DTNBP1: variants seen among roughly 807,000 people sequenced by gnomAD.
DTNBP1 encodes dysbindin.
In DTNBP1, 35 loss-of-function variants were observed where a neutral mutation model predicts 42.8. The ratio of observed to expected loss-of-function variants is 0.82; its 90% CI spans 0.63 to 1.09. The LOEUF (loss-of-function observed/expected upper bound fraction) is 1.09. DTNBP1 is among the 50% of genes least tolerant of loss of function. DTNBP1 has a pLI of 0.00. For missense variants in DTNBP1, 457 were observed against 424.2 expected (o/e 1.08, Z -0.68); for synonymous variants, 171 against 162.2 (o/e 1.05, Z -0.41).
Position 15,615,411 on chromosome 6 carries a change from TA to T in DTNBP1, c.356-13del, listed in dbSNP as rs1561993005. The T allele has an allele frequency of 6.2e-7, 1 of 1,613,582 alleles. No individual in the cohort carries two copies. The highest frequency in any genetic ancestry group is 1.3e-5 in the African/African-American group (1 of 75,028). On this transcript the variant is annotated splice_polypyrimidine_tract_variant and intron_variant, in intron 5 of 9. Coordinates refer to ENST00000344537, the MANE Select transcript of DTNBP1 (RefSeq NM_032122.5). The stretch of plus-strand genomic sequence containing the variant: ...CGCCTCTAAATGAGCTGAAAGTATA[TA>T]AAAATAAACAGACCTCAAAAGTCAG...
At chr6:15,598,282 T>C (rs72837855) in intron 6 of DTNBP1, among the ~76,000 whole-genome samples, 4,951 of 152,272 alleles carry the variant, frequency 0.033, 118 homozygotes, top group Non-Finnish European at 0.048. Flanking sequence ...GAAAACTTAA[T>C]AGACAGAAGC....
At chr6:15,645,306 C>A (rs1290037862) in intron 3 of DTNBP1, among the ~76,000 whole-genome samples, 1 of 151,712 alleles carries the variant, frequency 6.6e-6, no homozygotes, top group Non-Finnish European at 1.5e-5. Flanking sequence ...AAAAAATCTA[C>A]CAACCAAAAA....
At chr6:15,527,339 G>A (rs1056197202) in intron 8 of DTNBP1, among the ~76,000 whole-genome samples, 5 of 152,136 alleles carry the variant, frequency 3.3e-5, no homozygotes, top group Admixed American at 6.5e-5. Flanking sequence ...AAGAGAAATC[G>A]AAATCCCATT....
chr6:15,643,644 TA>T (rs911832968), intron 3 of DTNBP1, among the ~76,000 whole-genome samples: 32 of 149,606 alleles, frequency 2.1e-4, no homozygotes, highest in Admixed American at 6.0e-4. Context: ...TTAGCCTCCT[TA>T]AAAAAAAAAT....
At chr6:15,541,504 C>A (rs892524102) in intron 7 of DTNBP1, among the ~76,000 whole-genome samples, 1 of 152,188 alleles carries the variant, frequency 6.6e-6, no homozygotes, top group Middle Eastern at 3.4e-3. Flanking sequence ...ATGTTAAGAG[C>A]TTCAACAAAT....
At chr6:15,627,858 T>C (rs918009355) in intron 4 of DTNBP1, among the ~76,000 whole-genome samples, 1 of 151,446 alleles carries the variant, frequency 6.6e-6, no homozygotes, top group African/African-American at 2.4e-5. Flanking sequence ...AAAACATAAT[T>C]AACGGGTAAT....
At chr6:15,605,887 T>C (rs1451255372) in intron 6 of DTNBP1, among the ~76,000 whole-genome samples, 2 of 152,160 alleles carry the variant, frequency 1.3e-5, no homozygotes, top group African/African-American at 2.4e-5. Context: ...CACTACACAA[T>C]GTTTTGTTGT....
intron 6 of DTNBP1, among the ~76,000 whole-genome samples, chr6:15,594,725 T>G (rs923505591): frequency 2.6e-5 from 4 of 152,086 alleles, no homozygotes; most frequent in Admixed American, 2.6e-4. Flanking sequence ...GTGGGGAAAG[T>G]TGACAGAACA....
rs1304842723 is a variant in DTNBP1, at chr6:15,627,534, A to G, written c.223-59T>C. On this transcript the variant is annotated intron_variant, in intron 4 of 9. Coordinates refer to ENST00000344537, the MANE Select transcript of DTNBP1 (RefSeq NM_032122.5). The stretch of plus-strand genomic sequence containing the variant: ...CAGGTTTTAGGCACAAAGAAAGTAC[A>G]GTTAACGTAATGAGATTTAATGTTA... 1.9e-6 allele frequency: 3 copies of G among 1,607,614 alleles called. No homozygotes were observed. The African/African-American group carries it at 4.0e-5, about 21-fold the overall frequency.
intron 7 of DTNBP1, among the ~76,000 whole-genome samples, chr6:15,580,225 C>T (rs1448933627): frequency 6.6e-6 from 1 of 152,124 alleles, no homozygotes; most frequent in Non-Finnish European, 1.5e-5. Flanking sequence ...TACCTCCCGT[C>T]ACACCTCAAA....
intron 7 of DTNBP1, among the ~76,000 whole-genome samples, chr6:15,537,672 G>C (rs1037453042): frequency 6.6e-6 from 1 of 152,150 alleles, no homozygotes; most frequent in Admixed American, 6.5e-5. Context: ...TCCTGTGATA[G>C]TGACTAGTCC....
intron 7 of DTNBP1, chr6:15,579,807 CAAAAAAAG>C (rs760758888): frequency 1.1e-5 from 5 of 449,668 alleles, no homozygotes; most frequent in South Asian, 6.2e-5. Flanking sequence ...GACTCCCTCT[CAAAAAAAG>C]AAAAAAAGAA....
At chr6:15,660,298 A>G in intron 1 of DTNBP1, 1 of 1,246,322 alleles carries the variant, frequency 8.0e-7, no homozygotes. Context: ...TCAAGGCAAA[A>G]ATAATCAGTT....
At chr6:15,653,214 T>G (rs1258609799) in intron 1 of DTNBP1, among the ~76,000 whole-genome samples, 1 of 152,218 alleles carries the variant, frequency 6.6e-6, no homozygotes, top group Non-Finnish European at 1.5e-5. Context: ...TATATCTCAT[T>G]TAACATTTTG....
intron 3 of DTNBP1, among the ~76,000 whole-genome samples, chr6:15,647,385 G>T (rs1357630706): frequency 1.3e-5 from 2 of 151,664 alleles, no homozygotes; most frequent in East Asian, 3.9e-4. Context: ...ATCTACCAAT[G>T]GTAGATATAA....
intron 5 of DTNBP1, among the ~76,000 whole-genome samples, chr6:15,626,715 A>C (rs1759371236): frequency 6.6e-6 from 1 of 152,204 alleles, no homozygotes; most frequent in Non-Finnish European, 1.5e-5. Flanking sequence ...ATTTCCACAG[A>C]GTATAAATTT....
chr6:15,613,226 C>T (rs748198012), intron 6 of DTNBP1, among the ~76,000 whole-genome samples: 2 of 151,226 alleles, frequency 1.3e-5, no homozygotes, highest in Non-Finnish European at 3.0e-5. Context: ...ACGCTTTAAC[C>T]CAGGAGGCGG....
intron 1 of DTNBP1, among the ~76,000 whole-genome samples, chr6:15,661,449 G>A (rs1303851816): frequency 2.0e-5 from 3 of 152,180 alleles, no homozygotes; most frequent in African/African-American, 2.4e-5. Flanking sequence ...CACAAGGTCA[G>A]GAGTTCGAGA....
chr6:15,546,205 A>T (rs958113835), intron 7 of DTNBP1: 1 of 322,678 alleles, frequency 3.1e-6, no homozygotes, highest in Non-Finnish European at 6.2e-6. Flanking sequence ...AGCTGGGATT[A>T]CAGGCGCGTA....
Sources: gnomAD v4.1 joint callset for allele counts (sites outside exome capture counted in the v4.1 genomes callset) on GRCh38, gnomAD v4.1.1 for gene constraint, MANE v1.5 for transcripts, NCBI Gene and HGNC (gene_info 2026-07-23, HGNC 2026-07-21) for gene names.